Variants in DOCK11 observed in about 807,000 individuals in gnomAD.
DOCK11 encodes dedicator of cytokinesis 11, also known as dedicator of cytokinesis protein 11.
DOCK11 carries 70 observed loss-of-function variants against 169.1 expected under a neutral mutation model. The observed-to-expected ratio is 0.41, with a 90% confidence interval of 0.34 to 0.51. DOCK11 has a LOEUF of 0.51. DOCK11 is among the 20% of genes least tolerant of loss of function. The probability of loss-of-function intolerance (pLI) is 0.10; values close to 1 mark genes in which losing one functional copy is unlikely to be tolerated. For missense variants in DOCK11, 1,166 were observed against 1,538.8 expected (o/e 0.76, Z 4.05); for synonymous variants, 529 against 541.3 (o/e 0.98, Z 0.32).
At chrX:118,497,046 G>T (rs1569399682) in intron 1 of DOCK11, among the ~76,000 whole-genome samples, 1 of 112,541 alleles carries the variant, frequency 8.9e-6, no homozygotes, top group Non-Finnish European at 1.9e-5. Flanking sequence ...CAGTTTCCTG[G>T]ACAAGCGAAC....
rs6646239 is a variant in DOCK11, at chrX:118,582,873, G to A, written c.1596-1862G>A. On this transcript the variant is annotated intron_variant, in intron 14 of 52. Coordinates refer to ENST00000276202, the MANE Select transcript of DOCK11 (RefSeq NM_144658.4). ...TGACCATTGTGGAAGACAATGTCAC[G>A]ATCCTCAAGGATCTAGAACCAGAAA... 1.1e-4 allele frequency among the ~76,000 whole-genome samples: 12 copies of A among 112,050 alleles called. No individual in the cohort carries two copies. The East Asian group carries it at 2.8e-3, about 26-fold the overall frequency.
chrX:118,593,948 G>A (rs1237642266), intron 20 of DOCK11, among the ~76,000 whole-genome samples: 1 of 111,967 alleles, frequency 8.9e-6, no homozygotes, highest in Non-Finnish European at 1.9e-5. Flanking sequence ...TTCTCAAAAA[G>A]AAACACATAT....
intron 31 of DOCK11, among the ~76,000 whole-genome samples, chrX:118,622,793 T>C (rs1161285933): frequency 8.9e-6 from 1 of 112,054 alleles, no homozygotes; most frequent in Non-Finnish European, 1.9e-5. Flanking sequence ...AAATCTGTGC[T>C]GTCAGCCACT....
intron 1 of DOCK11, among the ~76,000 whole-genome samples, chrX:118,536,053 C>A (rs886722844): frequency 8.9e-6 from 1 of 111,821 alleles, no homozygotes; most frequent in Non-Finnish European, 1.9e-5. Context: ...CATGCCAGCA[C>A]TTTGGGAGGC....
At chrX:118,580,019 G>T in intron 13 of DOCK11, 78 bp from the exon 14 acceptor site, 4 of 851,338 alleles carry the variant, frequency 4.7e-6, no homozygotes, top group Non-Finnish European at 6.5e-6. Flanking sequence ...GTAATGGTAG[G>T]TTGGGGAAAT....
rs1472319804 is a variant in DOCK11 at position 118,643,514 on chromosome X, C to T, written c.4318C>T (p.His1440Tyr). The change falls in exon 40 of 53, where the codon CAT becomes TAT. Residue 1440 changes from histidine to tyrosine, a missense_variant. Transcript: ENST00000276202. ...ATTAATGAAAAAAGTGTTTGATATA[C>T]ATCTTGCTTTTCTTAAAAATGGACA... ...NPLMKKVFDI[H>Y]LAFLKNGQSE... 15 of 1,209,622 alleles carry T rather than the reference C, an allele frequency of 1.2e-5. No individual in the cohort carries two copies. Among genetic ancestry groups the T allele is most frequent in the African/African-American group, 1.7e-5 (1 of 57,700 alleles).
intron 44 of DOCK11, among the ~76,000 whole-genome samples, chrX:118,655,833 T>C (rs1262560014): frequency 8.9e-6 from 1 of 112,141 alleles, no homozygotes; most frequent in Non-Finnish European, 1.9e-5. Context: ...AACCAACTTA[T>C]TAAAGGAGTC....
intron 37 of DOCK11, among the ~76,000 whole-genome samples, chrX:118,639,142 C>T (rs2015461269): frequency 8.9e-6 from 1 of 111,955 alleles, no homozygotes; most frequent in African/African-American, 3.2e-5. Flanking sequence ...CACTCTTGCC[C>T]TTCCTCACCT....
At position 118,634,853 on chromosome X, in the gene DOCK11, T is replaced by A. The variant is rs928384916; in HGVS notation, c.3887-1493T>A. Reference sequence around the variant, plus strand: ...AAGCAATTCTCCTGCCTCAGCCTCCTGAGTAACTGGGATTACAGGCGCGCC... The same window carrying A: ...AAGCAATTCTCCTGCCTCAGCCTCCAGAGTAACTGGGATTACAGGCGCGCC... On this transcript the variant is annotated intron_variant, in intron 35 of 52. Transcript: ENST00000276202. Among the ~76,000 whole-genome samples, 9 of 111,547 alleles carry A rather than the reference T, an allele frequency of 8.1e-5. No homozygotes were observed. The Admixed American group carries it at 8.5e-4, about 11-fold the overall frequency.
chrX:118,619,205 G>C (rs1047599548), intron 31 of DOCK11, among the ~76,000 whole-genome samples: 94 of 108,535 alleles, frequency 8.7e-4, no homozygotes, highest in Non-Finnish European at 1.6e-3. Context: ...CGGGAGCAGT[G>C]GCTCACACCT....
chrX:118,588,101 C>T (rs1168703543), intron 16 of DOCK11, 36 bp from the exon 17 acceptor site: 25 of 1,063,337 alleles, frequency 2.4e-5, no homozygotes, highest in Non-Finnish European at 2.9e-5. Flanking sequence ...GATTATTAAA[C>T]TGAATGATCT....
chrX:118,667,046 C>T (rs560274547), intron 45 of DOCK11, among the ~76,000 whole-genome samples: 1 of 111,235 alleles, frequency 9.0e-6, no homozygotes, highest in Middle Eastern at 4.2e-3. Context: ...GTCTTTTATC[C>T]GTTTTAGAAA....
chrX:118,672,400 A>G (rs931561741), intron 46 of DOCK11, among the ~76,000 whole-genome samples: 1 of 112,571 alleles, frequency 8.9e-6, no homozygotes, highest in Non-Finnish European at 1.9e-5. Context: ...TAAAAAAGCA[A>G]GGCAATTTAT....
chrX:118,617,129 C>T (rs779094652), intron 30 of DOCK11, among the ~76,000 whole-genome samples: 34 of 111,650 alleles, frequency 3.0e-4, no homozygotes, highest in African/African-American at 7.2e-4. Flanking sequence ...CATAATCCTT[C>T]GGCTTCATGG....
rs776907926 is a variant in DOCK11, at chrX:118,624,681, A to T, written c.3588+26A>T. ...GTAAGTAGTAATGTGTTTCTGTTGG[A>T]GTTTTATCCTATTTTATTGAATGCA... On this transcript the variant is annotated intron_variant, in intron 32 of 52. Coordinates refer to ENST00000276202, the MANE Select transcript of DOCK11 (RefSeq NM_144658.4). 6.8e-5 allele frequency: 69 copies of T among 1,013,592 alleles called. No individual in the cohort carries two copies. In the East Asian group the frequency reaches 2.0e-3, roughly 29 times the overall value. 83.5% of individuals were successfully genotyped at this position (1,013,592 alleles called of 1,213,427 possible).
chrX:118,672,670 T>C lies in DOCK11; in HGVS notation c.5199+1525T>C, dbSNP rs1010769750. Among the ~76,000 whole-genome samples, 45 of 112,653 alleles carry C rather than the reference T, an allele frequency of 4.0e-4. 1 individual carries two copies. Among genetic ancestry groups the C allele is most frequent in the Middle Eastern group, 4.6e-3 (1 of 216 alleles). On this transcript the variant is annotated intron_variant, in intron 46 of 52. Transcript: ENST00000276202. Reference sequence around the variant, plus strand: ...CAAGATGGTCTCGATCTCCTGACCTTGTGATGCGCCCGCCTTGGCCTCCCA... The same window carrying C: ...CAAGATGGTCTCGATCTCCTGACCTCGTGATGCGCCCGCCTTGGCCTCCCA...
chrX:118,638,036 A>G (rs1231164280), intron 36 of DOCK11, 44 bp from the exon 37 acceptor site: 1 of 1,050,036 alleles, frequency 9.5e-7, no homozygotes, highest in Admixed American at 2.3e-5. Flanking sequence ...TAATCTGTAG[A>G]GGATGTTAAT....
intron 18 of DOCK11, 22 bp downstream of exon 18, chrX:118,588,500 G>T: frequency 8.8e-7 from 1 of 1,133,801 alleles, no homozygotes; most frequent in African/African-American, 1.8e-5. Context: ...ATATTGATAG[G>T]CATATGTTTT....
intron 13 of DOCK11, 84 bp downstream of exon 13, chrX:118,578,731 G>C (rs1001463576): frequency 2.6e-5 from 25 of 944,849 alleles, no homozygotes; most frequent in Non-Finnish European, 3.5e-5. Context: ...ATTGCTTTGA[G>C]CATGCTATAT....
Sources: gnomAD v4.1 joint callset for allele counts (sites outside exome capture counted in the v4.1 genomes callset) on GRCh38, gnomAD v4.1.1 for gene constraint, MANE v1.5 for transcripts, NCBI Gene and HGNC (gene_info 2026-07-23, HGNC 2026-07-21) for gene names.